TSHR: variants seen among roughly 807,000 people sequenced by gnomAD.
The protein encoded by TSHR is thyroid stimulating hormone receptor, also known as thyrotropin receptor.
A neutral mutation model predicts 64.1 loss-of-function variants in TSHR; 51 were observed. The observed-to-expected ratio is 0.80, with a 90% CI of 0.64 to 1.01. TSHR has a LOEUF of 1.01. Among genes scored for constraint, TSHR ranks in the 50% least tolerant of loss-of-function variants. The probability of loss-of-function intolerance (pLI) is 0.00; values close to 1 mark genes in which losing one functional copy is unlikely to be tolerated. For synonymous variants in TSHR, 361 were observed against 361.9 expected (o/e 1.00, Z 0.03); for missense variants, 877 against 942.8 (o/e 0.93, Z 0.91).
chr14:81,122,020 CTTTTTTTTTTTTTTTTTTT>C lies in TSHR; in HGVS notation c.692+13591_692+13609del, dbSNP rs1161879777. ...CTGGTTTGAGATGTGTTTTCTTTTC[CTTTTTTTTTTTTTTTTTTT>C]TTTTTTTTTTTTTTTTTTTTTTGAG... On this transcript the variant is annotated intron_variant, in intron 8 of 9. Coordinates refer to ENST00000298171, the MANE Select transcript of TSHR (RefSeq NM_000369.5). 2.8e-3 allele frequency among the ~76,000 whole-genome samples: 125 copies of C among 44,874 alleles called. 1 individual carries two copies. Among genetic ancestry groups the C allele is most frequent in the African/African-American group, 8.2e-3 (99 of 12,094 alleles). The allele number at this position is 44,874 out of a possible 152,430, so 29.4% of individuals were successfully genotyped here.
Position 80,955,778 on chromosome 14 carries a change from A to G in TSHR, c.98A>G (p.Gln33Arg), listed in dbSNP as rs1886635842. ...GCSSPPCECH[Q>R]EEDFRVTCKD... ...TCGTCTCCACCCTGCGAGTGCCATC[A>G]GGAGGAGGACTTCAGAGTCACCTGC... Residue 33 changes from glutamine (Q) to arginine (R), a missense_variant, in exon 1 of 10, where the codon CAG becomes CGG. By Grantham distance (43) the Gln-to-Arg change is conservative. Coordinates refer to ENST00000298171, the MANE Select transcript of TSHR (RefSeq NM_000369.5). The G allele has an allele frequency of 6.2e-7, 1 of 1,614,110 alleles. No individual in the cohort carries two copies.
At chr14:81,075,114 A>G (rs1887402957) in intron 3 of TSHR, among the ~76,000 whole-genome samples, 1 of 152,220 alleles carries the variant, frequency 6.6e-6, no homozygotes, top group Admixed American at 6.5e-5. Flanking sequence ...TTTACCAATC[A>G]CCGAGTTTCA....
chr14:81,074,296 C>T (rs1459835479), intron 3 of TSHR, among the ~76,000 whole-genome samples: 1 of 152,116 alleles, frequency 6.6e-6, no homozygotes, highest in African/African-American at 2.4e-5. Context: ...TTATTGTCTG[C>T]AAATGGTTTT....
intron 8 of TSHR, among the ~76,000 whole-genome samples, chr14:81,109,357 C>T (rs1890123046): frequency 6.6e-6 from 1 of 151,862 alleles, no homozygotes; most frequent in Non-Finnish European, 1.5e-5. Context: ...TGCAGCGAGC[C>T]CAGATCGTGC....
At chr14:81,091,923 A>G (rs1307019457) in intron 5 of TSHR, among the ~76,000 whole-genome samples, 1 of 152,242 alleles carries the variant, frequency 6.6e-6, no homozygotes, top group Admixed American at 6.5e-5. Context: ...AGAGAATTAC[A>G]AGTTGAGTTT....
At chr14:81,039,599 GAACT>G (rs1884822728) in intron 1 of TSHR, among the ~76,000 whole-genome samples, 1 of 151,384 alleles carries the variant, frequency 6.6e-6, no homozygotes, top group Non-Finnish European at 1.5e-5. Flanking sequence ...AAAACTATTA[GAACT>G]AATAAACAAA....
intron 3 of TSHR, among the ~76,000 whole-genome samples, chr14:81,071,923 T>C (rs756461285): frequency 3.9e-5 from 6 of 152,234 alleles, no homozygotes; most frequent in Non-Finnish European, 8.8e-5. Context: ...ATTGGTAAAT[T>C]CACTCTTTCA....
At chr14:80,997,269 T>C (rs1889071606) in intron 1 of TSHR, among the ~76,000 whole-genome samples, 1 of 152,260 alleles carries the variant, frequency 6.6e-6, no homozygotes, top group African/African-American at 2.4e-5. Flanking sequence ...ATCACAGTTA[T>C]ATTGTACATT....
At chr14:81,026,093 C>G (rs1427896715) in intron 1 of TSHR, among the ~76,000 whole-genome samples, 7 of 152,164 alleles carry the variant, frequency 4.6e-5, no homozygotes, top group Non-Finnish European at 1.0e-4. Context: ...CAAGCTAACT[C>G]TACAAGAAAC....
At chr14:81,100,954 CCT>C (rs1889541483) in intron 7 of TSHR, among the ~76,000 whole-genome samples, 1 of 152,132 alleles carries the variant, frequency 6.6e-6, no homozygotes, top group Non-Finnish European at 1.5e-5. Context: ...CTTTTCAGCC[CCT>C]GTCTCCTACC....
At chr14:80,955,910 C>T in intron 1 of TSHR, 60 bp downstream of exon 1, 2 of 1,608,328 alleles carry the variant, frequency 1.2e-6, no homozygotes, top group African/African-American at 2.7e-5. Context: ...GCAGAGGTGG[C>T]CCGAAGTGCA....
At chr14:80,970,120 C>T (rs1266777949) in intron 1 of TSHR, among the ~76,000 whole-genome samples, 1 of 152,164 alleles carries the variant, frequency 6.6e-6, no homozygotes, top group Admixed American at 6.5e-5. Flanking sequence ...TTGTGCCAAT[C>T]TGTAAAGCAG....
At chr14:80,960,372 A>C (rs889811153) in intron 1 of TSHR, among the ~76,000 whole-genome samples, 1 of 152,202 alleles carries the variant, frequency 6.6e-6, no homozygotes, top group African/African-American at 2.4e-5. Flanking sequence ...CTGCTTCAAC[A>C]CCCACGTGCT....
intron 1 of TSHR, chr14:80,959,370 T>C (rs180723876): frequency 9.3e-4 from 141 of 152,358 alleles, no homozygotes; most frequent in Middle Eastern, 3.4e-3. Context: ...TGTTGGCATA[T>C]AATTATAGAT....
At position 81,108,876 on chromosome 14, in the gene TSHR, G is replaced by A. The variant is rs978125703; in HGVS notation, c.692+424G>A. The stretch of plus-strand genomic sequence containing the variant: ...GAAGGAAGAATATAAATGATAGTTC[G>A]ACTCGTCTGTGGAAGAACTTACAAT... On this transcript the variant is annotated intron_variant, in intron 8 of 9. Transcript: ENST00000298171. 1.1e-5 allele frequency: 16 copies of A among 1,445,312 alleles called. No individual in the cohort carries two copies. In the South Asian group the frequency reaches 1.5e-4, roughly 13 times the overall value. The allele number at this position is 1,445,312 out of a possible 1,614,324, so 89.5% of individuals were successfully genotyped here.
chr14:81,096,599 C>A, intron 6 of TSHR, 40 bp from the exon 7 acceptor site: 1 of 1,601,560 alleles, frequency 6.2e-7, no homozygotes, highest in South Asian at 1.1e-5. Context: ...AGCACCACTT[C>A]TCACCAGTCA....
At chr14:81,119,436 C>T in intron 8 of TSHR, among the ~76,000 whole-genome samples, 3 of 142,318 alleles carry the variant, frequency 2.1e-5, no homozygotes, top group African/African-American at 8.3e-5. Context: ...AAATGTTCAT[C>T]ATCACTGGCC....
intron 3 of TSHR, among the ~76,000 whole-genome samples, chr14:81,083,218 C>T (rs183970198): frequency 1.8e-4 from 27 of 152,142 alleles, no homozygotes; most frequent in South Asian, 1.0e-3. Flanking sequence ...TCCTGTGCTA[C>T]GCTTTTATTG....
intron 1 of TSHR, 144 bp downstream of exon 1, chr14:80,955,994 ATG>A: frequency 3.4e-5 from 34 of 994,700 alleles, no homozygotes; most frequent in Non-Finnish European, 4.3e-5. Flanking sequence ...GTGTGTGTAG[ATG>A]TGTGTGTGTG....
Sources: gnomAD v4.1 joint callset for allele counts (sites outside exome capture counted in the v4.1 genomes callset) on GRCh38, gnomAD v4.1.1 for gene constraint, MANE v1.5 for transcripts, NCBI Gene and HGNC (gene_info 2026-07-23, HGNC 2026-07-21) for gene names.